Variants in NAMPT observed in about 807,000 individuals in gnomAD.
NAMPT encodes the protein nicotinamide phosphoribosyltransferase.
NAMPT carries 7 observed loss-of-function variants against 58.7 expected under a neutral mutation model. That is an observed-to-expected ratio of 0.12 (90% CI 0.07 to 0.22). The LOEUF (loss-of-function observed/expected upper bound fraction) is 0.22. Ranked by LOEUF, NAMPT falls within the 10% of genes least tolerant of loss-of-function variation. The pLI, the probability that NAMPT is intolerant of heterozygous loss-of-function variation, is 1.00. For missense variants in NAMPT, 271 were observed against 567.9 expected, an observed-to-expected ratio of 0.48 and a Z score of 5.31; for synonymous variants, 145 against 198.1, an observed-to-expected ratio of 0.73 and a Z score of 2.25.
At chr7:106,278,156 C>G (rs1792687718) in intron 1 of NAMPT, among the ~76,000 whole-genome samples, 1 of 152,058 alleles carries the variant, frequency 6.6e-6, no homozygotes, top group African/African-American at 2.4e-5. Context: ...ATCTCAAGTT[C>G]AGGAAAGCCA....
At chr7:106,276,954 T>G in intron 2 of NAMPT, 69 bp downstream of exon 2, 1 of 1,259,202 alleles carries the variant, frequency 7.9e-7, no homozygotes, top group Non-Finnish European at 1.1e-6. Flanking sequence ...TTGTTAAAAA[T>G]TCTAAAAGAA....
Position 106,250,363 on chromosome 7 carries a change from GGC to G in NAMPT, c.*718_*719del. The G allele has an allele frequency of 6.6e-6, 1 of 152,430 alleles. No homozygotes were observed. The highest frequency in any genetic ancestry group is 1.9e-4 in the East Asian group (1 of 5,184). The allele number at this position is 152,430 out of a possible 1,614,324, so 9.4% of individuals were successfully genotyped here. On this transcript the variant is annotated 3_prime_UTR_variant, in exon 11 of 11. Transcript: ENST00000222553. ...ATTGCAGTACAGGCCTTTCAAATTT[GGC>G]ATTTCACTGGTACAATACAACAACC...
At chr7:106,253,687 A>G (rs545059404) in intron 9 of NAMPT, 10 of 154,020 alleles carry the variant, frequency 6.5e-5, no homozygotes, top group African/African-American at 2.2e-4. Flanking sequence ...TGAAGACAGC[A>G]GAGTGTTTCT....
chr7:106,254,611 A>G, intron 8 of NAMPT, 107 bp from the exon 9 acceptor site: 2 of 1,233,486 alleles, frequency 1.6e-6, no homozygotes, highest in Non-Finnish European at 2.3e-6. Context: ...AGACTGTTTT[A>G]TAACACGGTC....
intron 8 of NAMPT, among the ~76,000 whole-genome samples, chr7:106,257,894 G>GGTGT (rs34473858): frequency 1.1e-4 from 16 of 151,428 alleles, no homozygotes; most frequent in East Asian, 7.8e-4. Flanking sequence ...AAGGGGGAGG[G>GGTGT]GTGTGTGTGT....
At chr7:106,253,867 GAATCT>G (rs1792147930) in intron 9 of NAMPT, among the ~76,000 whole-genome samples, 1 of 152,074 alleles carries the variant, frequency 6.6e-6, no homozygotes, top group Admixed American at 6.6e-5. Flanking sequence ...TTGCTCTATA[GAATCT>G]CCAGCTCTCA....
intron 2 of NAMPT, 113 bp from the exon 3 acceptor site, chr7:106,275,162 A>G (rs1792608336): frequency 3.3e-6 from 2 of 609,324 alleles, no homozygotes; most frequent in Admixed American, 3.4e-5. Context: ...GATTAAAAAT[A>G]TAACTAAGAG....
intron 8 of NAMPT, among the ~76,000 whole-genome samples, chr7:106,257,517 G>A (rs890197936): frequency 6.6e-6 from 1 of 150,484 alleles, no homozygotes; most frequent in African/African-American, 2.4e-5. Flanking sequence ...TGCAGTCCCA[G>A]CTCCTCAGGA....
At chr7:106,265,715 ACT>A (rs770267302) in intron 6 of NAMPT, among the ~76,000 whole-genome samples, 2 of 152,050 alleles carry the variant, frequency 1.3e-5, no homozygotes, top group South Asian at 2.1e-4. Flanking sequence ...TTGCTCTGGC[ACT>A]CTCTGTCTAG....
chr7:106,252,250 T>G (rs879081468), intron 10 of NAMPT, among the ~76,000 whole-genome samples: 88 of 152,232 alleles, frequency 5.8e-4, no homozygotes, highest in African/African-American at 2.0e-3. Context: ...GTACAAGAGT[T>G]ACACAAAGCT....
chr7:106,267,864 A>ACAAAAAAC (rs1792452822), intron 6 of NAMPT, among the ~76,000 whole-genome samples: 1 of 135,306 alleles, frequency 7.4e-6, no homozygotes, highest in African/African-American at 2.8e-5. Context: ...AAAAAAAAAA[A>ACAAAAAAC]AAAAAAAAAA....
upstream of NAMPT, chr7:106,285,076 A>T (rs1220207691): frequency 4.4e-6 from 6 of 1,351,492 alleles, no homozygotes; most frequent in Non-Finnish European, 4.8e-6. Flanking sequence ...GGCGCGGGTG[A>T]CGGCTGCGGC....
At chr7:106,270,877 G>A (rs2115792639) in intron 4 of NAMPT, among the ~76,000 whole-genome samples, 1 of 152,280 alleles carries the variant, frequency 6.6e-6, no homozygotes, top group African/African-American at 2.4e-5. Context: ...AATAATAGTT[G>A]CTTTAAGCCA....
intron 7 of NAMPT, 135 bp from the exon 8 acceptor site, chr7:106,261,842 T>C: frequency 1.1e-6 from 1 of 871,894 alleles, no homozygotes; most frequent in South Asian, 1.7e-5. Context: ...TATAACACTA[T>C]GTATATGCTC....
chr7:106,266,341 C>T (rs1792407696), intron 6 of NAMPT, among the ~76,000 whole-genome samples: 1 of 152,122 alleles, frequency 6.6e-6, no homozygotes, highest in African/African-American at 2.4e-5. Flanking sequence ...TATCCTTGTC[C>T]TCCGTATCAT....
upstream of NAMPT, chr7:106,285,640 G>C (rs955072859): frequency 7.1e-6 from 7 of 982,854 alleles, no homozygotes; most frequent in African/African-American, 1.2e-4. Context: ...AGGAGCTGCG[G>C]TGAGGAGTGA....
chr7:106,271,068 T>C (rs985306595), intron 4 of NAMPT, among the ~76,000 whole-genome samples: 2 of 150,576 alleles, frequency 1.3e-5, no homozygotes, highest in Non-Finnish European at 1.5e-5. Context: ...TTGCCAGTGG[T>C]TACCATTCTA....
chr7:106,285,377 C>G, upstream of NAMPT: 1 of 447,022 alleles, frequency 2.2e-6, no homozygotes, highest in Non-Finnish European at 3.0e-6. Context: ...GCGTTCCCAG[C>G]TTTGCCAGTG....
At chr7:106,264,167 T>C (rs1247551705) in intron 6 of NAMPT, among the ~76,000 whole-genome samples, 2 of 152,092 alleles carry the variant, frequency 1.3e-5, no homozygotes, top group Non-Finnish European at 2.9e-5. Context: ...CAACTACCTG[T>C]TATATTTTCA....
Sources: allele counts gnomAD v4.1 joint callset (sites outside exome capture counted in the v4.1 genomes callset), GRCh38; gene constraint gnomAD v4.1.1; transcripts MANE v1.5; gene names NCBI Gene and HGNC (gene_info 2026-07-23, HGNC 2026-07-21).